Variants in RUNX2 observed in about 807,000 individuals in gnomAD.
RUNX2 encodes RUNX family transcription factor 2.
In RUNX2, 10 loss-of-function variants were observed where a neutral mutation model predicts 51.7. That is an observed-to-expected ratio of 0.19 (90% CI 0.12 to 0.33). The LOEUF is 0.33. Among genes scored for constraint, RUNX2 ranks in the 10% least tolerant of loss-of-function variants. RUNX2 has a pLI of 1.00. For missense variants in RUNX2, 562 were observed against 691.3 expected, an observed-to-expected ratio of 0.81 and a Z score of 2.10; for synonymous variants, 276 against 273.6, an observed-to-expected ratio of 1.01 and a Z score of -0.09.
intron 2 of RUNX2, among the ~76,000 whole-genome samples, chr6:45,373,173 C>T (rs1796326952): frequency 6.6e-6 from 1 of 151,992 alleles, no homozygotes; most frequent in African/African-American, 2.4e-5. Flanking sequence ...CACTCTTAGG[C>T]TCAAGCAACC....
chr6:45,411,226 A>G (rs749261055), intron 2 of RUNX2, among the ~76,000 whole-genome samples: 9 of 152,372 alleles, frequency 5.9e-5, no homozygotes, highest in Middle Eastern at 3.4e-3. Context: ...GGTGAAGTAA[A>G]TGAATTCAAA....
intron 2 of RUNX2, among the ~76,000 whole-genome samples, chr6:45,365,846 A>G (rs567457881): frequency 4.0e-5 from 6 of 150,058 alleles, no homozygotes; most frequent in African/African-American, 1.5e-4. Flanking sequence ...AAAAGCCTAA[A>G]ATACAAATAA....
intron 7 of RUNX2, among the ~76,000 whole-genome samples, chr6:45,513,989 A>G (rs1009386507): frequency 3.3e-5 from 5 of 152,194 alleles, no homozygotes; most frequent in Non-Finnish European, 4.4e-5. Flanking sequence ...TGTTTTACAT[A>G]GGGCCGAAAG....
chr6:45,447,094 T>C (rs1015339426), intron 5 of RUNX2, among the ~76,000 whole-genome samples: 3 of 152,350 alleles, frequency 2.0e-5, no homozygotes, highest in Admixed American at 2.0e-4. Flanking sequence ...CTTATTAAGA[T>C]AAAAACAAGT....
chr6:45,347,023 A>C (rs1040119323), intron 2 of RUNX2, among the ~76,000 whole-genome samples: 1 of 152,186 alleles, frequency 6.6e-6, no homozygotes, highest in African/African-American at 2.4e-5. Context: ...AAAATAACTT[A>C]CATGGCTGAA....
chr6:45,345,370 C>G (rs940345715), intron 2 of RUNX2, among the ~76,000 whole-genome samples: 7 of 152,114 alleles, frequency 4.6e-5, no homozygotes, highest in Non-Finnish European at 1.0e-4. Context: ...AGACTTTTAC[C>G]TTCTAGATTA....
chr6:45,482,125 C>G (rs1420145183), intron 5 of RUNX2, among the ~76,000 whole-genome samples: 2 of 152,188 alleles, frequency 1.3e-5, no homozygotes, highest in Non-Finnish European at 2.9e-5. Context: ...CCGGTTAGCT[C>G]TTTTTTTCCT....
At chr6:45,354,428 A>G (rs1792705315) in intron 2 of RUNX2, among the ~76,000 whole-genome samples, 1 of 152,130 alleles carries the variant, frequency 6.6e-6, no homozygotes, top group Admixed American at 6.5e-5. Flanking sequence ...ACACACCCCA[A>G]AGTGTATGCC....
intron 2 of RUNX2, chr6:45,365,153 G>T (rs772665946): frequency 1.8e-6 from 2 of 1,138,012 alleles, no homozygotes; most frequent in Admixed American, 2.1e-5. Context: ...CTTTCAACAT[G>T]AATAAATTTA....
chr6:45,392,530 C>T (rs903543921), intron 2 of RUNX2, among the ~76,000 whole-genome samples: 5 of 152,200 alleles, frequency 3.3e-5, no homozygotes, highest in African/African-American at 1.2e-4. Flanking sequence ...AAAATAAATA[C>T]CCTTTTACTT....
At chr6:45,454,880 G>A (rs1246530883) in intron 5 of RUNX2, among the ~76,000 whole-genome samples, 1 of 152,208 alleles carries the variant, frequency 6.6e-6, no homozygotes, top group African/African-American at 2.4e-5. Flanking sequence ...TTGGGAGGCT[G>A]AGGCAGGTGG....
At chr6:45,545,448 T>G (rs952292265) in intron 8 of RUNX2, among the ~76,000 whole-genome samples, 166 bp downstream of exon 8, 1 of 152,222 alleles carries the variant, frequency 6.6e-6, no homozygotes, top group Non-Finnish European at 1.5e-5. Flanking sequence ...TTGTGAAGAT[T>G]ATAAGCAGTG....
intron 2 of RUNX2, among the ~76,000 whole-genome samples, chr6:45,374,559 G>A (rs1465155020): frequency 2.6e-5 from 4 of 152,160 alleles, no homozygotes; most frequent in Admixed American, 1.3e-4. Flanking sequence ...AATGCATATG[G>A]CTGAATTATT....
intron 2 of RUNX2, among the ~76,000 whole-genome samples, chr6:45,361,986 G>A (rs540910697): frequency 6.6e-6 from 1 of 152,292 alleles, no homozygotes; most frequent in African/African-American, 2.4e-5. Flanking sequence ...GGGAGGCAGA[G>A]TTTACAGTGA....
chr6:45,477,220 C>T (rs1222042646), intron 5 of RUNX2, among the ~76,000 whole-genome samples: 2 of 152,138 alleles, frequency 1.3e-5, no homozygotes, highest in Admixed American at 6.5e-5. Flanking sequence ...CCTTGCCTAG[C>T]CACCCTAGGA....
chr6:45,531,847 G>GT (rs1801858802), intron 7 of RUNX2, among the ~76,000 whole-genome samples: 1 of 149,928 alleles, frequency 6.7e-6, no homozygotes, highest in African/African-American at 2.5e-5. Context: ...CCTTGCAAGA[G>GT]CTGGAAAGGT....
rs140080117 is a variant in RUNX2 at position 45,343,249 on chromosome 6, C to T, written c.58+14465C>T. On this transcript the variant is annotated intron_variant, in intron 2 of 8. Transcript: ENST00000647337. Reference sequence around the variant, plus strand: ...TCTCAGCCGGGTGCAGTGGCTCACACCTGTAATCCCAGCACTTTGGGAGGC... The same window carrying T: ...TCTCAGCCGGGTGCAGTGGCTCACATCTGTAATCCCAGCACTTTGGGAGGC... Among the ~76,000 whole-genome samples the T allele has an allele frequency of 1.8e-3, 266 of 146,138 alleles. 2 individuals are homozygous for T. The highest frequency in any genetic ancestry group is 3.2e-3 in the Non-Finnish European group (202 of 63,666).
chr6:45,342,871 C>T (rs1228411764), intron 2 of RUNX2, among the ~76,000 whole-genome samples: 8 of 151,992 alleles, frequency 5.3e-5, no homozygotes, highest in Admixed American at 3.3e-4. Flanking sequence ...ATTTGTAAAT[C>T]GAAAAAGTAT....
In RUNX2 at chr6:45,489,165, AT is replaced by A. The variant is rs775897104; in HGVS notation, c.686-2775del. ...AAGGGGCAGATATCTACAAAGAAAA[AT>A]GCGTATGTTTTTGTATGTGTGCATC... is the stretch of plus-strand genomic sequence containing the variant. On this transcript the variant is annotated intron_variant, in intron 5 of 8. Transcript: ENST00000647337. 8.0e-4 allele frequency among the ~76,000 whole-genome samples: 122 copies of A among 152,258 alleles called. 2 individuals are homozygous for A. The highest frequency in any genetic ancestry group is 2.6e-4 in the Non-Finnish European group (18 of 68,012).
Sources: allele counts gnomAD v4.1 joint callset (sites outside exome capture counted in the v4.1 genomes callset), GRCh38; gene constraint gnomAD v4.1.1; transcripts MANE v1.5; gene names NCBI Gene and HGNC (gene_info 2026-07-23, HGNC 2026-07-21).